TMEM175: variants seen among roughly 807,000 people sequenced by gnomAD.
TMEM175 encodes endosomal/lysosomal proton channel TMEM175.
A neutral mutation model predicts 36.5 loss-of-function variants in TMEM175; 36 were observed. The ratio of observed to expected loss-of-function variants is 0.99; its 90% CI spans 0.76 to 1.30. TMEM175 has a LOEUF of 1.30. Among genes scored for constraint, TMEM175 ranks in the 50% most tolerant of loss-of-function variants. TMEM175 has a pLI of 0.00. For synonymous variants in TMEM175, 339 were observed against 313.4 expected, an observed-to-expected ratio of 1.08 and a Z score of -0.86; for missense variants, 705 against 692.8, an observed-to-expected ratio of 1.02 and a Z score of -0.20.
At chr4:952,018 G>T in intron 6 of TMEM175, 1 of 584,248 alleles carries the variant, frequency 1.7e-6, no homozygotes, top group Non-Finnish European at 3.1e-6. Flanking sequence ...TACAGCCTCC[G>T]ACCACCCGCC....
chr4:956,865 TGATATTCTC>T lies in TMEM175; in HGVS notation c.843-956_843-948del, dbSNP rs577228710. ...ACACTATGGTTTTATATCCTGTACTTGATATTCTCGAGTCCAAGTCTCCTGATGCTCTTC... is the reference window on the plus strand; with the variant it reads ...ACACTATGGTTTTATATCCTGTACTTGAGTCCAAGTCTCCTGATGCTCTTC... On this transcript the variant is annotated intron_variant, in intron 10 of 10. Transcript: ENST00000264771. The T allele has an allele frequency of 5.0e-3, 891 of 179,124 alleles. 6 individuals carry two copies. Among genetic ancestry groups the T allele is most frequent in the Non-Finnish European group, 8.9e-3 (756 of 85,356 alleles). The allele number at this position is 179,124 out of a possible 1,614,324, so 11.1% of individuals were successfully genotyped here.
chr4:947,926 C>G, intron 2 of TMEM175, 34 bp downstream of exon 2: 1 of 1,613,782 alleles, frequency 6.2e-7, no homozygotes, highest in East Asian at 2.2e-5. Flanking sequence ...GCCTGCCCCA[C>G]CCCGAGCCTC....
chr4:953,424 A>G, intron 8 of TMEM175, 70 bp downstream of exon 8: 1 of 1,506,004 alleles, frequency 6.6e-7, no homozygotes, highest in Non-Finnish European at 8.9e-7. Context: ...GTCCCCGCTG[A>G]GCAACAAACA....
chr4:950,663 C>A (rs1280275107), intron 4 of TMEM175, 145 bp downstream of exon 4: 2 of 492,044 alleles, frequency 4.1e-6, no homozygotes, highest in Non-Finnish European at 7.2e-6. Context: ...CAGGACTTAC[C>A]CCAAACCCAG....
intron 3 of TMEM175, among the ~76,000 whole-genome samples, chr4:948,872 C>T (rs6813110): frequency 0.35 from 52,515 of 152,042 alleles, 9,258 homozygotes; most frequent in South Asian, 0.38. Flanking sequence ...TGGGGGACGC[C>T]GAGAAGTCAT....
intron 1 of TMEM175, among the ~76,000 whole-genome samples, chr4:946,711 G>A (rs1046342839): frequency 3.5e-4 from 54 of 152,346 alleles, no homozygotes; most frequent in Admixed American, 2.3e-3. Flanking sequence ...CAGCTGTGGC[G>A]TGTGCCCAGT....
chr4:953,487 T>C (rs573452381), intron 8 of TMEM175, 133 bp downstream of exon 8: 1 of 1,146,122 alleles, frequency 8.7e-7, no homozygotes, highest in East Asian at 2.7e-5. Context: ...GGGTCTTGTG[T>C]GTGAGGCCCA....
rs977237494 is a variant in TMEM175, at chr4:958,498, A to T, written c.*2A>T. 7.9e-6 allele frequency: 12 copies of T among 1,510,096 alleles called. No homozygotes were observed. Among genetic ancestry groups the T allele is most frequent in the Non-Finnish European group, 1.1e-5 (12 of 1,131,728 alleles). The allele number at this position is 1,510,096 out of a possible 1,614,324, so 93.5% of individuals were successfully genotyped here. A position where few individuals can be genotyped will look rare whatever the true frequency, so the allele number is the denominator to read the frequency against. On this transcript the variant is annotated 3_prime_UTR_variant, in exon 11 of 11. Transcript: ENST00000264771. Reference sequence around the variant, plus strand: ...CAGCTCCTCCCTGCCCCCTGCTAGCAGCCACAGAGCCCACTCCCAGCCGTC... The same window carrying T: ...CAGCTCCTCCCTGCCCCCTGCTAGCTGCCACAGAGCCCACTCCCAGCCGTC...
Position 947,763 on chromosome 4 carries a change from G to A in TMEM175, c.24G>A (p.Glu8=), listed in dbSNP as rs34555481. MSQPRTP[E]QALDTPGDCP... is the part of the protein sequence containing the mutation. ...CCATGTCCCAGCCCCGGACCCCAGA[G>A]CAGGCACTGGATACACCGGGGGACT... The change falls in exon 2 of 11, where the codon GAG becomes GAA. Residue 8 remains glutamate, a synonymous_variant. Coordinates refer to ENST00000264771, the MANE Select transcript of TMEM175 (RefSeq NM_032326.4). The A allele has an allele frequency of 2.8e-3, 4,565 of 1,611,172 alleles. 123 individuals carry two copies. The African/African-American group carries it at 0.055, about 19-fold the overall frequency.
chr4:945,731 G>A (rs781632127), intron 1 of TMEM175, among the ~76,000 whole-genome samples: 6 of 152,118 alleles, frequency 3.9e-5, no homozygotes, highest in Non-Finnish European at 8.8e-5. Context: ...CCCCTTTGGA[G>A]TAAAACCTGG....
intron 5 of TMEM175, 32 bp downstream of exon 5, chr4:951,290 G>C: frequency 6.2e-7 from 1 of 1,613,180 alleles, no homozygotes; most frequent in Non-Finnish European, 8.5e-7. Context: ...TCTGGGGAGT[G>C]ACTCTGGTCT....
chr4:950,337 G>T, intron 3 of TMEM175, 84 bp from the exon 4 acceptor site: 2 of 1,171,642 alleles, frequency 1.7e-6, no homozygotes, highest in Non-Finnish European at 2.5e-6. Flanking sequence ...GCCGAGGCCA[G>T]CCCCCCCTCA....
intron 1 of TMEM175, among the ~76,000 whole-genome samples, chr4:936,331 AAAGT>A (rs992240315): frequency 2.6e-5 from 4 of 152,040 alleles, no homozygotes; most frequent in Non-Finnish European, 5.9e-5. Context: ...GGAAACTAGA[AAAGT>A]AAGAGGAAAT....
rs1418193090 is a variant in TMEM175 at position 941,325 on chromosome 4, G to A, written c.-31-6384G>A. Among the ~76,000 whole-genome samples, 14 of 137,280 alleles carry A rather than the reference G, an allele frequency of 1.0e-4. No homozygotes were observed. In the South Asian group the frequency reaches 1.7e-3, roughly 17 times the overall value. The allele number at this position is 137,280 out of a possible 152,430, so 90.1% of individuals were successfully genotyped here. ...CAGGAGGCAGAGGTTGCAATGAGCC[G>A]AGATCGTGCCATTGCACTCCAGCCT... On this transcript the variant is annotated intron_variant, in intron 1 of 10. Transcript: ENST00000264771.
chr4:954,682 A>T (rs1198243414), intron 8 of TMEM175, among the ~76,000 whole-genome samples: 2 of 151,952 alleles, frequency 1.3e-5, no homozygotes, highest in African/African-American at 4.8e-5. Flanking sequence ...TCATTTGGTG[A>T]TTCTGTTTAA....
intron 1 of TMEM175, among the ~76,000 whole-genome samples, chr4:936,600 A>T (rs1726810253): frequency 1.3e-5 from 2 of 151,628 alleles, no homozygotes; most frequent in Admixed American, 1.3e-4. Context: ...CAACAAATTC[A>T]GCAGCTTACA....
chr4:953,410 CA>C lies in TMEM175; in HGVS notation c.627+58del, dbSNP rs536610428. On this transcript the variant is annotated intron_variant, in intron 8 of 10. Coordinates refer to ENST00000264771, the MANE Select transcript of TMEM175 (RefSeq NM_032326.4). ...GCAGGAACGGGGGCCACCATAGGAG[CA>C]ATGTCCCCGCTGAGCAACAAACACG... 9.4e-5 allele frequency: 144 copies of C among 1,539,036 alleles called. No individual in the cohort carries two copies. The African/African-American group carries it at 1.8e-3, about 19-fold the overall frequency.
chr4:944,509 C>T (rs958689392), intron 1 of TMEM175, among the ~76,000 whole-genome samples: 1 of 152,142 alleles, frequency 6.6e-6, no homozygotes, highest in Admixed American at 6.5e-5. Context: ...GCTCCCCGCC[C>T]CTCCCTGCCT....
chr4:943,671 C>G (rs1162849741), intron 1 of TMEM175, among the ~76,000 whole-genome samples: 2 of 152,160 alleles, frequency 1.3e-5, no homozygotes, highest in East Asian at 3.8e-4. Context: ...CGGGTGGTTT[C>G]TCAGGAAGGA....
Sources: gnomAD v4.1 joint callset for allele counts (sites outside exome capture counted in the v4.1 genomes callset) on GRCh38, gnomAD v4.1.1 for gene constraint, MANE v1.5 for transcripts, NCBI Gene and HGNC (gene_info 2026-07-23, HGNC 2026-07-21) for gene names.